DOCK8: variants seen among roughly 807,000 people sequenced by gnomAD.
DOCK8 encodes dedicator of cytokinesis 8.
Under a neutral mutation model 245.6 loss-of-function variants are expected in DOCK8, and 141 were observed. That is an observed-to-expected ratio of 0.57 (90% CI 0.50 to 0.66). DOCK8 has a LOEUF of 0.66. Among genes scored for constraint, DOCK8 ranks in the 30% least tolerant of loss-of-function variants. The pLI, the probability that DOCK8 is intolerant of heterozygous loss-of-function variation, is 0.00. For synonymous variants in DOCK8, 1,168 were observed against 970.2 expected (o/e 1.20, Z -3.79); for missense variants, 2,965 against 2,603.4 (o/e 1.14, Z -3.02).
In DOCK8 at chr9:374,723, C is replaced by G. The variant is rs563178894; in HGVS notation, c.2110-1487C>G. ...TCATGTGATCCTCCCACTTTGGACT[C>G]CCAAAGTCCTGGGATTATAGGTGTG... On this transcript the variant is annotated intron_variant, in intron 18 of 47. Transcript: ENST00000432829. Among the ~76,000 whole-genome samples, 19 of 151,796 alleles carry G rather than the reference C, an allele frequency of 1.3e-4. 1 individual carries two copies. The highest frequency in any genetic ancestry group is 6.8e-3 in the Middle Eastern group (2 of 292).
At position 360,371 on chromosome 9, in the gene DOCK8, T is replaced by C. The variant is rs146961141; in HGVS notation, c.1680-7647T>C. Among the ~76,000 whole-genome samples, 834 of 152,056 alleles carry C rather than the reference T, an allele frequency of 5.5e-3. 6 individuals are homozygous for C. The highest frequency in any genetic ancestry group is 0.019 in the African/African-American group (801 of 41,490). ...TAGAAACACTGATTTTTCTGGTATTTTATACCCTTCCCCGAATATCCATAC... is the reference window on the plus strand; with the variant it reads ...TAGAAACACTGATTTTTCTGGTATTCTATACCCTTCCCCGAATATCCATAC... On this transcript the variant is annotated intron_variant, in intron 14 of 47. Coordinates refer to ENST00000432829, the MANE Select transcript of DOCK8 (RefSeq NM_203447.4).
rs1438456515 is a variant in DOCK8 at position 418,122 on chromosome 9, C to T, written c.3755C>T (p.Ala1252Val). Residue 1252 changes from alanine to valine, a missense_variant, in exon 30 of 48, where the codon GCC (alanine) becomes GTC (valine). Ala to Val is a moderately conservative substitution (Grantham distance 64). This residue lies in a region of DOCK8 where 2,825 missense variants were observed against 2,453.5 expected (regional missense o/e 1.15). Coordinates refer to ENST00000432829, the MANE Select transcript of DOCK8 (RefSeq NM_203447.4). ...TSGSDEEQEG[A>V]GAINQNVALA... ...GGCTCGGATGAAGAACAAGAAGGAG[C>T]CGGTGCCATTAACCAGAATGTGGCT... is the stretch of plus-strand genomic sequence containing the variant. The T allele has an allele frequency of 1.9e-6, 3 of 1,614,164 alleles. No individual in the cohort carries two copies. The highest frequency in any genetic ancestry group is 1.7e-6 in the Non-Finnish European group (2 of 1,180,034).
intron 2 of DOCK8, among the ~76,000 whole-genome samples, chr9:283,578 T>C (rs548656381): frequency 6.6e-5 from 10 of 152,284 alleles, no homozygotes; most frequent in African/African-American, 2.4e-4. Context: ...AAGCCTTTCA[T>C]GTCTAGCATT....
chr9:439,176 C>G, intron 39 of DOCK8, 69 bp from the exon 40 acceptor site: 8 of 1,603,152 alleles, frequency 5.0e-6, no homozygotes, highest in Middle Eastern at 1.7e-4. Context: ...TTTCCCCATT[C>G]GGGGTTCCTG....
chr9:448,331 C>T lies in DOCK8; in HGVS notation c.5818-1453C>T, dbSNP rs557328141. On this transcript the variant is annotated intron_variant, in intron 44 of 47. Coordinates refer to ENST00000432829, the MANE Select transcript of DOCK8 (RefSeq NM_203447.4). ...CTTTGTTGCCCAGTCTGGTCTCAAA[C>T]TGTTGGCCTCAAACGATCCTCCTAC... is the stretch of plus-strand genomic sequence containing the variant. Among the ~76,000 whole-genome samples the T allele has an allele frequency of 1.1e-4, 16 of 152,326 alleles. No homozygotes were observed. The South Asian group carries it at 2.7e-3, about 26-fold the overall frequency.
chr9:325,639 G>A, intron 7 of DOCK8, 32 bp from the exon 8 acceptor site: 1 of 1,595,006 alleles, frequency 6.3e-7, no homozygotes. Context: ...CTAACTCAAA[G>A]CCACATAGAT....
intron 21 of DOCK8, among the ~76,000 whole-genome samples, chr9:381,831 G>A (rs928069099): frequency 1.3e-5 from 2 of 152,006 alleles, no homozygotes; most frequent in African/African-American, 2.4e-5. Context: ...GTGGTGGCGG[G>A]TGCCTGTAGT....
At chr9:303,815 A>T (rs536024967) in intron 4 of DOCK8, among the ~76,000 whole-genome samples, 1 of 152,318 alleles carries the variant, frequency 6.6e-6, no homozygotes, top group South Asian at 2.1e-4. Context: ...AAAAAAATAA[A>T]AGATAAGATA....
intron 30 of DOCK8, among the ~76,000 whole-genome samples, chr9:419,549 A>C (rs2056187604): frequency 6.6e-6 from 1 of 152,250 alleles, no homozygotes; most frequent in Admixed American, 6.5e-5. Context: ...CAACAAACTC[A>C]GAATAACTAA....
At chr9:436,565 A>G (rs1293239651) in intron 39 of DOCK8, among the ~76,000 whole-genome samples, 3 of 152,224 alleles carry the variant, frequency 2.0e-5, no homozygotes, top group Non-Finnish European at 4.4e-5. Context: ...TCACTTAAAT[A>G]TCAATTGCAT....
intron 15 of DOCK8, chr9:369,793 G>C: frequency 4.1e-6 from 1 of 241,794 alleles, no homozygotes; most frequent in South Asian, 5.3e-5. Flanking sequence ...TGGGCCAGTT[G>C]TAGTCCCAGC....
At chr9:221,315 G>C (rs1252978709) in intron 1 of DOCK8, among the ~76,000 whole-genome samples, 1 of 152,050 alleles carries the variant, frequency 6.6e-6, no homozygotes, top group African/African-American at 2.4e-5. Flanking sequence ...AAGGGCAGCC[G>C]GCCCTCTGCA....
chr9:241,268 C>T (rs541508065), intron 1 of DOCK8, among the ~76,000 whole-genome samples: 2 of 152,210 alleles, frequency 1.3e-5, no homozygotes, highest in African/African-American at 4.8e-5. Context: ...TTTGAAACGA[C>T]ACAATACATT....
intron 43 of DOCK8, among the ~76,000 whole-genome samples, chr9:445,630 C>T (rs1197116864): frequency 6.6e-6 from 1 of 152,172 alleles, no homozygotes; most frequent in Non-Finnish European, 1.5e-5. Flanking sequence ...ATTGGTAGTC[C>T]ATGTTGCAAT....
chr9:449,561 G>C (rs1281463805), intron 44 of DOCK8, among the ~76,000 whole-genome samples: 1 of 152,152 alleles, frequency 6.6e-6, no homozygotes, highest in African/African-American at 2.4e-5. Flanking sequence ...AGGTTGTTGA[G>C]AGGAATAAAT....
chr9:354,767 T>TG (rs552030042), intron 14 of DOCK8, among the ~76,000 whole-genome samples: 42 of 152,106 alleles, frequency 2.8e-4, no homozygotes, highest in Non-Finnish European at 4.4e-5. Context: ...TGTTTTCTCA[T>TG]GGGGGGCAGC....
intron 41 of DOCK8, 94 bp downstream of exon 41, chr9:441,511 T>A: frequency 6.3e-7 from 1 of 1,580,832 alleles, no homozygotes; most frequent in Non-Finnish European, 8.6e-7. Context: ...CAGGGAGTGA[T>A]TTATCTTTAG....
intron 14 of DOCK8, among the ~76,000 whole-genome samples, chr9:341,653 G>C (rs890863017): frequency 6.6e-6 from 1 of 152,040 alleles, no homozygotes; most frequent in South Asian, 2.1e-4. Context: ...ACGCTCAATG[G>C]CATTATCTTC....
chr9:226,179 G>C (rs1421350031), intron 1 of DOCK8, among the ~76,000 whole-genome samples: 7 of 152,166 alleles, frequency 4.6e-5, no homozygotes, highest in Non-Finnish European at 8.8e-5. Flanking sequence ...GGTGAATGAG[G>C]AGCAAAGGCA....
Sources: gnomAD v4.1 joint callset for allele counts (sites outside exome capture counted in the v4.1 genomes callset) on GRCh38, gnomAD v4.1.1 for gene constraint, gnomAD v4.1.1 regional missense constraint, MANE v1.5 for transcripts, NCBI Gene and HGNC (gene_info 2026-07-23, HGNC 2026-07-21) for gene names.